RELN: variants seen among roughly 807,000 people sequenced by gnomAD.
RELN encodes the protein reelin.
RELN carries 108 observed loss-of-function variants against 427.6 expected under a neutral mutation model. That is an observed-to-expected ratio of 0.25 (90% CI 0.22 to 0.30). The LOEUF (loss-of-function observed/expected upper bound fraction) is 0.30, where lower values mean the gene tolerates loss of function less well. Ranked by LOEUF, RELN falls within the 10% of genes least tolerant of loss-of-function variation. The pLI is 1.00. For synonymous variants in RELN, 1,524 were observed against 1,513.4 expected (o/e 1.01, Z -0.16); for missense variants, 3,715 against 4,302.8 (o/e 0.86, Z 3.82).
At chr7:103,776,428 G>T in intron 4 of RELN, 129 bp downstream of exon 4, 1 of 894,848 alleles carries the variant, frequency 1.1e-6, no homozygotes, top group African/African-American at 1.6e-5. Context: ...GTGATACGAA[G>T]GGTCAATACT....
At chr7:103,775,229 T>C (rs910556677) in intron 4 of RELN, among the ~76,000 whole-genome samples, 38 of 152,190 alleles carry the variant, frequency 2.5e-4, no homozygotes, top group African/African-American at 8.7e-4. Context: ...ATTTGTATTA[T>C]GATCAAATTC....
Position 103,519,536 on chromosome 7 carries a change from T to C in RELN, c.7669-20A>G. The C allele has an allele frequency of 1.3e-6, 2 of 1,551,908 alleles. No individual in the cohort carries two copies. The highest frequency in any genetic ancestry group is 1.8e-6 in the Non-Finnish European group (2 of 1,129,966). On this transcript the variant is annotated intron_variant, in intron 48 of 64. Transcript: ENST00000428762. ...ACAACCCTAAGAAAAAGAAGTAAAA[T>C]AAAAAAAAGTGATAAGGAATCTCGA...
chr7:103,524,860 T>C (rs1159456444), intron 46 of RELN, among the ~76,000 whole-genome samples: 2 of 152,188 alleles, frequency 1.3e-5, no homozygotes, highest in East Asian at 1.9e-4. Flanking sequence ...TCCCCAGCTT[T>C]GGCATGTTCC....
intron 3 of RELN, among the ~76,000 whole-genome samples, chr7:103,817,291 TTGAA>T (rs1386147794): frequency 6.6e-6 from 1 of 152,228 alleles, no homozygotes; most frequent in African/African-American, 2.4e-5. Flanking sequence ...CCCCATAAAC[TTGAA>T]TATTTCACTG....
At chr7:103,581,897 C>T (rs534505144) in intron 28 of RELN, among the ~76,000 whole-genome samples, 1 of 151,862 alleles carries the variant, frequency 6.6e-6, no homozygotes, top group Admixed American at 6.6e-5. Flanking sequence ...ATGATGGAGC[C>T]CAGGAAGACC....
chr7:103,713,617 C>T (rs938032746), intron 8 of RELN, among the ~76,000 whole-genome samples: 72 of 150,970 alleles, frequency 4.8e-4, no homozygotes, highest in African/African-American at 1.7e-3. Flanking sequence ...ATGTGATGAG[C>T]AACATGAAGA....
intron 1 of RELN, among the ~76,000 whole-genome samples, chr7:103,929,299 T>C (rs564060911): frequency 4.6e-5 from 7 of 152,336 alleles, no homozygotes; most frequent in African/African-American, 9.6e-5. Flanking sequence ...ATTACCTCTT[T>C]AACCACCTTG....
intron 2 of RELN, among the ~76,000 whole-genome samples, chr7:103,900,945 T>C (rs549779652): frequency 2.0e-5 from 3 of 149,808 alleles, no homozygotes; most frequent in African/African-American, 7.4e-5. Context: ...AAGATGTAAA[T>C]AGATGTTCTT....
At chr7:103,562,393 G>A (rs146885887) in intron 34 of RELN, among the ~76,000 whole-genome samples, 5 of 152,270 alleles carry the variant, frequency 3.3e-5, no homozygotes, top group East Asian at 3.9e-4. Flanking sequence ...TTACTGTCCC[G>A]GAATGGTTTC....
chr7:103,976,569 G>A (rs529435742), intron 1 of RELN, among the ~76,000 whole-genome samples: 16 of 152,286 alleles, frequency 1.1e-4, no homozygotes, highest in Non-Finnish European at 1.8e-4. Flanking sequence ...TTGTAGGAAC[G>A]GAGTTGGCCT....
chr7:103,933,830 GA>G (rs1795917489), intron 1 of RELN, among the ~76,000 whole-genome samples: 2 of 152,128 alleles, frequency 1.3e-5, no homozygotes, highest in East Asian at 3.9e-4. Flanking sequence ...CATGCAGATT[GA>G]TTATTCCTCC....
chr7:103,792,686 T>C (rs1792197225), intron 3 of RELN, among the ~76,000 whole-genome samples: 1 of 152,120 alleles, frequency 6.6e-6, no homozygotes, highest in African/African-American at 2.4e-5. Context: ...TCTGTGGATA[T>C]ACTAAAATTT....
chr7:103,527,254 A>G (rs1176900299), intron 46 of RELN, among the ~76,000 whole-genome samples: 4 of 152,190 alleles, frequency 2.6e-5, no homozygotes, highest in African/African-American at 7.2e-5. Flanking sequence ...TGAAAGGAAC[A>G]TAATATTTTA....
chr7:103,681,301 A>AC (rs1833647764), intron 11 of RELN, among the ~76,000 whole-genome samples: 1 of 152,202 alleles, frequency 6.6e-6, no homozygotes. Flanking sequence ...TTGAGATCAC[A>AC]GTGACACGAC....
chr7:103,505,841 G>A (rs1438044454), intron 51 of RELN, among the ~76,000 whole-genome samples: 1 of 152,052 alleles, frequency 6.6e-6, no homozygotes, highest in African/African-American at 2.4e-5. Flanking sequence ...TAAGAACCTT[G>A]AAAAAAGGTT....
At chr7:103,745,151 C>G (rs1391517520) in intron 6 of RELN, among the ~76,000 whole-genome samples, 1 of 151,948 alleles carries the variant, frequency 6.6e-6, no homozygotes, top group East Asian at 1.9e-4. Flanking sequence ...ATAAACAGAA[C>G]CAAAGACAAA....
chr7:103,687,999 C>T (rs901790651), intron 10 of RELN, among the ~76,000 whole-genome samples: 1 of 152,060 alleles, frequency 6.6e-6, no homozygotes, highest in Admixed American at 6.6e-5. Flanking sequence ...ACCCTTCAGC[C>T]CCAAAGTCCT....
intron 10 of RELN, among the ~76,000 whole-genome samples, chr7:103,692,438 C>T (rs2115750355): frequency 6.6e-6 from 1 of 152,108 alleles, no homozygotes; most frequent in Middle Eastern, 3.4e-3. Flanking sequence ...CCTCTTGCCT[C>T]TTCTTCTTCT....
At chr7:103,705,037 T>G (rs1012304326) in intron 8 of RELN, among the ~76,000 whole-genome samples, 5 of 152,222 alleles carry the variant, frequency 3.3e-5, no homozygotes, top group African/African-American at 1.2e-4. Context: ...TTTCTCCTGC[T>G]TCACTGGCCA....
Sources: allele counts gnomAD v4.1 joint callset (sites outside exome capture counted in the v4.1 genomes callset), GRCh38; gene constraint gnomAD v4.1.1; transcripts MANE v1.5; gene names NCBI Gene and HGNC (gene_info 2026-07-23, HGNC 2026-07-21).